Variants in AIRE observed in about 807,000 individuals in gnomAD.
The protein encoded by AIRE is autoimmune regulator.
AIRE carries 52 observed loss-of-function variants against 62.1 expected under a neutral mutation model. The observed-to-expected ratio is 0.84, with a 90% CI of 0.67 to 1.06. The LOEUF is 1.06. Among genes scored for constraint, AIRE ranks in the 50% least tolerant of loss-of-function variants. The pLI is 0.00. For synonymous variants in AIRE, 342 were observed against 321.6 expected (o/e 1.06, Z -0.68); for missense variants, 774 against 755.8 (o/e 1.02, Z -0.28).
rs930535770 is a variant in AIRE at position 44,285,988 on chromosome 21, G to C, written c.-19G>C. 2.6e-6 allele frequency: 4 copies of C among 1,524,330 alleles called. No individual in the cohort carries two copies. The highest frequency in any genetic ancestry group is 2.0e-5 in the Admixed American group (1 of 50,456). 94.4% of individuals were successfully genotyped at this position (1,524,330 alleles called of 1,614,324 possible). On this transcript the variant is annotated 5_prime_UTR_variant, in exon 1 of 14. Coordinates refer to ENST00000291582, the MANE Select transcript of AIRE (RefSeq NM_000383.4). ...GACCCACCGCGTCCGCCCCAGCCCC[G>C]GGTCCCCGCGCCCACCCCATGGCGA...
Position 44,298,443 on chromosome 21 carries a change from T to A in AIRE, c.*716T>A, listed in dbSNP as rs888199354. On this transcript the variant is annotated 3_prime_UTR_variant, in exon 14 of 14. Transcript: ENST00000291582. ...ATGGTGGCCCCAAGGTTCATCCATG[T>A]TGTAGCATGTGCCGAAATCTGCTTC... 10 of 153,880 alleles carry A rather than the reference T, an allele frequency of 6.5e-5. No individual in the cohort carries two copies. Among genetic ancestry groups the A allele is most frequent in the African/African-American group, 2.4e-4 (10 of 41,474 alleles). 9.5% of individuals were successfully genotyped at this position (153,880 alleles called of 1,614,324 possible).
At chr21:44,294,272 AC>A (rs1413041436) in intron 11 of AIRE, 128 bp from the exon 12 acceptor site, 125 of 216,812 alleles carry the variant, frequency 5.8e-4, no homozygotes, top group Middle Eastern at 1.6e-3. Context: ...ACCCACACCC[AC>A]ACCCCTTCCT....
At position 44,286,208 on chromosome 21, in the gene AIRE, A is replaced by C. The variant is rs1601964112; in HGVS notation, c.132+70A>C. 1 of 1,394,634 alleles carries C rather than the reference A, an allele frequency of 7.2e-7. No homozygotes were observed. The highest frequency in any genetic ancestry group is 9.5e-7 in the Non-Finnish European group (1 of 1,052,332). 86.4% of individuals were successfully genotyped at this position (1,394,634 alleles called of 1,614,324 possible). A position where few individuals can be genotyped will look rare whatever the true frequency, so the allele number is the denominator to read the frequency against. ...CAGGGATAGTCCCCGGGGAAGTTCC[A>C]GGAGGACCCCGCCCCTCCAGATCCC... On this transcript the variant is annotated intron_variant, in intron 1 of 13. Coordinates refer to ENST00000291582, the MANE Select transcript of AIRE (RefSeq NM_000383.4). This position sits in a 1 kb window ranked among gnomAD's most constrained non-coding sequence, Gnocchi z 6.0.
intron 9 of AIRE, 40 bp from the exon 10 acceptor site, chr21:44,292,953 G>A: frequency 6.3e-7 from 1 of 1,599,478 alleles, no homozygotes; most frequent in Non-Finnish European, 8.6e-7. Context: ...GTGCCGGGCA[G>A]GCGCCCGCTG....
rs2040582979 is a variant in AIRE at position 44,294,335 on chromosome 21, C to T, written c.1401-66C>T. Reference sequence around the variant, plus strand: ...CACCACCCACGCCCACACCCCACACCCCATACCCCGGAGGTGGCACTCCTG... The same window carrying T: ...CACCACCCACGCCCACACCCCACACTCCATACCCCGGAGGTGGCACTCCTG... On this transcript the variant is annotated intron_variant, in intron 11 of 13. Coordinates refer to ENST00000291582, the MANE Select transcript of AIRE (RefSeq NM_000383.4). 4.5e-6 allele frequency: 5 copies of T among 1,104,230 alleles called. No homozygotes were observed. In the African/African-American group the frequency reaches 7.8e-5, roughly 17 times the overall value. 68.4% of individuals were successfully genotyped at this position (1,104,230 alleles called of 1,614,324 possible).
Position 44,293,856 on chromosome 21 carries a change from GCGCCGCT to G in AIRE, c.1347_1353del (p.Cys449TrpfsTer29). 6.3e-7 allele frequency: 1 copy of G among 1,596,874 alleles called. No individual in the cohort carries two copies. Among genetic ancestry groups the G allele is most frequent in the Non-Finnish European group, 8.5e-7 (1 of 1,179,562 alleles). On this transcript the variant is annotated frameshift_variant, in exon 11 of 14. Coordinates refer to ENST00000291582, the MANE Select transcript of AIRE (RefSeq NM_000383.4). LOFTEE classifies it high-confidence loss of function. ...ACGGACGTGCTGCGGTGTACTCACT[GCGCCGCT>G]GCCTTCCACTGGCGCTGCCACTTCC...
chr21:44,292,541 C>G, intron 9 of AIRE, 140 bp downstream of exon 9: 1 of 644,860 alleles, frequency 1.6e-6, no homozygotes, highest in Admixed American at 2.4e-5. Context: ...AGCACTATGT[C>G]CCCCATGCCC....
intron 6 of AIRE, 93 bp downstream of exon 6, chr21:44,289,895 T>C (rs2040518906): frequency 1.2e-6 from 2 of 1,604,432 alleles, no homozygotes; most frequent in Non-Finnish European, 1.7e-6. Flanking sequence ...TGCTGGGGGC[T>C]GGGGGCTGCT....
intron 7 of AIRE, chr21:44,290,396 A>G: frequency 1.0e-6 from 1 of 985,408 alleles, no homozygotes; most frequent in Non-Finnish European, 1.2e-6. Flanking sequence ...TCCACTGGGA[A>G]TGCCATGCTC....
intron 10 of AIRE, among the ~76,000 whole-genome samples, chr21:44,293,413 G>T (rs2040565507): frequency 6.6e-6 from 1 of 152,058 alleles, no homozygotes; most frequent in Non-Finnish European, 1.5e-5. Flanking sequence ...GGACAATGAA[G>T]GGGGGGATGT....
rs2040481658 is a variant in AIRE, at chr21:44,286,347, C to T, written c.132+209C>T. Among the ~76,000 whole-genome samples, 1 of 151,840 alleles carries T rather than the reference C, an allele frequency of 6.6e-6. No individual in the cohort carries two copies. The highest frequency in any genetic ancestry group is 2.1e-4 in the South Asian group (1 of 4,808). On this transcript the variant is annotated intron_variant, in intron 1 of 13. Coordinates refer to ENST00000291582, the MANE Select transcript of AIRE (RefSeq NM_000383.4). The surrounding 1 kb of genome is among the most constrained non-coding windows in gnomAD (Gnocchi z 6.0). Reference sequence around the variant, plus strand: ...GCCGTCCCCACACCTCACCCCCAAGCCAAGGGAATGGCCTCCAGGTTCCCC... The same window carrying T: ...GCCGTCCCCACACCTCACCCCCAAGTCAAGGGAATGGCCTCCAGGTTCCCC...
chr21:44,294,315 C>A, intron 11 of AIRE, 86 bp from the exon 12 acceptor site: 2 of 751,446 alleles, frequency 2.7e-6, no homozygotes, highest in Non-Finnish European at 2.1e-6. Context: ...CCACTCACCA[C>A]CCACGCCCAC....
rs1985597191 is a variant in AIRE, at chr21:44,288,350, C to CAG, written c.546_547dup (p.Thr183ArgfsTer196). 6.2e-7 allele frequency: 1 copy of CAG among 1,607,196 alleles called. No individual in the cohort carries two copies. The highest frequency in any genetic ancestry group is 1.3e-5 in the African/African-American group (1 of 74,850). On this transcript the variant is annotated frameshift_variant, in exon 5 of 14. Transcript: ENST00000291582. LOFTEE classifies it high-confidence loss of function. ...ATGGGTGTTCCCTTTCCCAGGGATTCAGACCATGTCAGCTTCAGTCCAGAG... is the reference window on the plus strand; with the variant it reads ...ATGGGTGTTCCCTTTCCCAGGGATTCAGAGACCATGTCAGCTTCAGTCCAGAG...
At position 44,297,557 on chromosome 21, in the gene AIRE, G is replaced by A; in HGVS notation, c.1567-99G>A. 8.6e-7 allele frequency: 1 copy of A among 1,165,676 alleles called. No individual in the cohort carries two copies. The highest frequency in any genetic ancestry group is 1.3e-6 in the Non-Finnish European group (1 of 790,640). The allele number at this position is 1,165,676 out of a possible 1,614,324, so 72.2% of individuals were successfully genotyped here. The stretch of plus-strand genomic sequence containing the variant: ...CCTCAGTTTCCCCACCTTTGACTTA[G>A]AGGGAAGGTTGGATGGTGACTTCTT... On this transcript the variant is annotated intron_variant, in intron 13 of 13. Transcript: ENST00000291582. The surrounding 1 kb of genome is among the most constrained non-coding windows in gnomAD (Gnocchi z 4.8).
At chr21:44,290,598 G>A (rs2040526440) in intron 7 of AIRE, among the ~76,000 whole-genome samples, 1 of 152,150 alleles carries the variant, frequency 6.6e-6, no homozygotes, top group African/African-American at 2.4e-5. Context: ...GTTAGAATGA[G>A]TGAGGTCATT....
intron 12 of AIRE, among the ~76,000 whole-genome samples, chr21:44,295,384 G>C (rs2040595290): frequency 6.6e-6 from 1 of 152,192 alleles, no homozygotes; most frequent in Non-Finnish European, 1.5e-5. Context: ...ACAAGCCTCA[G>C]ACCCAGCCCT....
rs374549350 is a variant in AIRE, at chr21:44,287,157, A to G, written c.463+24A>G. 50 of 1,610,788 alleles carry G rather than the reference A, an allele frequency of 3.1e-5. No individual in the cohort carries two copies. The highest frequency in any genetic ancestry group is 3.8e-5 in the Non-Finnish European group (45 of 1,179,744). On this transcript the variant is annotated intron_variant, in intron 3 of 13. Transcript: ENST00000291582. This position sits in a 1 kb window ranked among gnomAD's most constrained non-coding sequence, Gnocchi z 4.3. ...AGGTACCCTCCCTGCAGGGGAAGCC[A>G]GCCAGGGTCTCCAGTCTTCCCGGGC...
At chr21:44,296,659 C>A (rs1299443302) in intron 13 of AIRE, among the ~76,000 whole-genome samples, 6 of 150,618 alleles carry the variant, frequency 4.0e-5, no homozygotes, top group Non-Finnish European at 8.9e-5. Context: ...TGCAGGAGCC[C>A]CCCCCGGCCC....
At position 44,294,456 on chromosome 21, in the gene AIRE, G is replaced by C. The variant is rs749111202; in HGVS notation, c.1456G>C (p.Gly486Arg). 6 of 1,566,328 alleles carry C rather than the reference G, an allele frequency of 3.8e-6. No homozygotes were observed. The highest frequency in any genetic ancestry group is 1.7e-4 in the Middle Eastern group (1 of 5,820). ...AGACGTGACCCCAGCCCCTGTGGAG[G>C]GGGTGCTGGCCCCCAGCCCCGCCCG... is the stretch of plus-strand genomic sequence containing the variant. Reference protein sequence around the residue: ...SGDVTPAPVEGVLAPSPARLA... With the variant: ...SGDVTPAPVERVLAPSPARLA... The change falls in exon 12 of 14, where the codon GGG (glycine) becomes CGG (arginine). Residue 486 changes from glycine (G) to arginine (R), a missense_variant. By Grantham distance (125) the Gly-to-Arg change is moderately radical. Coordinates refer to ENST00000291582, the MANE Select transcript of AIRE (RefSeq NM_000383.4).
Sources: allele counts gnomAD v4.1 joint callset (sites outside exome capture counted in the v4.1 genomes callset), GRCh38; gene constraint gnomAD v4.1.1; non-coding constraint Gnocchi (gnomAD v3.1); transcripts MANE v1.5; gene names NCBI Gene and HGNC (gene_info 2026-07-23, HGNC 2026-07-21).